Variants in ANKRD40 observed in about 807,000 individuals in gnomAD.
The protein encoded by ANKRD40 is ankyrin repeat domain-containing protein 40.
Under a neutral mutation model 35.5 loss-of-function variants are expected in ANKRD40, and 24 were observed. The observed-to-expected ratio is 0.68, with a 90% CI of 0.49 to 0.95. The LOEUF (loss-of-function observed/expected upper bound fraction) is 0.95, where lower values mean the gene tolerates loss of function less well. Among genes scored for constraint, ANKRD40 ranks in the 40% least tolerant of loss-of-function variants. The pLI is 0.00. For missense variants in ANKRD40, 361 were observed against 436.0 expected (o/e 0.83, Z 1.53); for synonymous variants, 147 against 173.5 (o/e 0.85, Z 1.20).
chr17:50,706,848 G>A (rs555075041), intron 1 of ANKRD40, among the ~76,000 whole-genome samples: 3 of 134,004 alleles, frequency 2.2e-5, no homozygotes, highest in South Asian at 4.9e-4. Flanking sequence ...AAGTTGCAGT[G>A]AGCCGAGACT....
chr17:50,699,923 C>T (rs774406645), intron 2 of ANKRD40, 30 bp from the exon 3 acceptor site: 393 of 1,451,746 alleles, frequency 2.7e-4, no homozygotes, highest in Non-Finnish European at 3.2e-4. Context: ...AACATTTACA[C>T]AGTCCTTTCA....
At position 50,694,969 on chromosome 17, in the gene ANKRD40, T is replaced by C. The variant is rs927945517; in HGVS notation, c.*1028A>G. Reference sequence around the variant, plus strand: ...AACAGATTCAGTCTCAAAAATTGCTTTTCATTTGTAGTGGAAAATGAAAGT... The same window carrying C: ...AACAGATTCAGTCTCAAAAATTGCTCTTCATTTGTAGTGGAAAATGAAAGT... On this transcript the variant is annotated 3_prime_UTR_variant, in exon 5 of 5. Transcript: ENST00000285243. The C allele has an allele frequency of 6.6e-6, 1 of 152,240 alleles. No individual in the cohort carries two copies. The highest frequency in any genetic ancestry group is 1.5e-5 in the Non-Finnish European group (1 of 68,042). The allele number at this position is 152,240 out of a possible 1,614,324, so 9.4% of individuals were successfully genotyped here.
chr17:50,696,089 T>C lies in ANKRD40; in HGVS notation c.1015A>G (p.Ile339Val), dbSNP rs1470504580. The change falls in exon 5 of 5, where the codon ATA becomes GTA. Residue 339 changes from isoleucine to valine, a missense_variant. Transcript: ENST00000285243. Reference sequence around the variant, plus strand: ...CTGAACAGAAAATTATTTTCACTTATCATCAGAACCAGTTCCAGCTCCTGG... The same window carrying C: ...CTGAACAGAAAATTATTTTCACTTACCATCAGAACCAGTTCCAGCTCCTGG... ...DFQELELVLM[I>V]SENNFLFRNA... 6.2e-7 allele frequency: 1 copy of C among 1,614,196 alleles called. No individual in the cohort carries two copies. Among genetic ancestry groups the C allele is most frequent in the East Asian group, 2.2e-5 (1 of 44,892 alleles).
chr17:50,705,085 C>A (rs1371319792), intron 1 of ANKRD40, among the ~76,000 whole-genome samples: 1 of 143,354 alleles, frequency 7.0e-6, no homozygotes, highest in Non-Finnish European at 1.5e-5. Context: ...GGCACCACTG[C>A]ACTCCAGCCT....
rs1968165439 is a variant in ANKRD40, at chr17:50,694,124, C to A, written c.*1873G>T. On this transcript the variant is annotated 3_prime_UTR_variant, in exon 5 of 5. Coordinates refer to ENST00000285243, the MANE Select transcript of ANKRD40 (RefSeq NM_052855.4). ...CAGCCTGGGCAACAAAGCAAGACTC[C>A]GTCTCAAAAAAAAAAAGAAAAGAAA... is the stretch of plus-strand genomic sequence containing the variant. The A allele has an allele frequency of 9.6e-3, 1 of 104 alleles. No individual in the cohort carries two copies. The highest frequency in any genetic ancestry group is 0.028 in the Non-Finnish European group (1 of 36). 0.0% of individuals were successfully genotyped at this position (104 alleles called of 1,614,324 possible). A position where few individuals can be genotyped will look rare whatever the true frequency, so the allele number is the denominator to read the frequency against.
At position 50,699,254 on chromosome 17, in the gene ANKRD40, T is replaced by C. The variant is rs1439460795; in HGVS notation, c.778+145A>G. ...GTAAAAGGGCAAAAGGTAAACAATT[T>C]GTGAATTTGAGTAAAGGGAGTTCCT... is the stretch of plus-strand genomic sequence containing the variant. On this transcript the variant is annotated intron_variant, in intron 3 of 4. Transcript: ENST00000285243. 4 of 1,114,474 alleles carry C rather than the reference T, an allele frequency of 3.6e-6. No individual in the cohort carries two copies. The African/African-American group carries it at 6.3e-5, about 18-fold the overall frequency. 69.0% of individuals were successfully genotyped at this position (1,114,474 alleles called of 1,614,324 possible).
At chr17:50,700,913 T>C in intron 1 of ANKRD40, 197 bp from the exon 2 acceptor site, 1 of 496,714 alleles carries the variant, frequency 2.0e-6, no homozygotes, top group Admixed American at 3.5e-5. Flanking sequence ...AAATTTCATT[T>C]CTGGCTCCTG....
At chr17:50,706,175 G>T (rs1008955706) in intron 1 of ANKRD40, among the ~76,000 whole-genome samples, 9 of 150,406 alleles carry the variant, frequency 6.0e-5, no homozygotes, top group African/African-American at 2.0e-4. Context: ...AGGCTGGAGT[G>T]CAGTGGTGCA....
intron 3 of ANKRD40, among the ~76,000 whole-genome samples, chr17:50,698,559 G>A (rs988084334): frequency 1.1e-4 from 17 of 152,008 alleles, no homozygotes; most frequent in Admixed American, 8.5e-4. Flanking sequence ...ATGATAAAGG[G>A]TAAAGATTCC....
At position 50,693,366 on chromosome 17, in the gene ANKRD40, G is replaced by C. The variant is rs1326516644; in HGVS notation, c.*2631C>G. 6.6e-6 allele frequency: 1 copy of C among 152,128 alleles called. No individual in the cohort carries two copies. The highest frequency in any genetic ancestry group is 1.9e-4 in the East Asian group (1 of 5,190). The allele number at this position is 152,128 out of a possible 1,614,324, so 9.4% of individuals were successfully genotyped here. ...TAACAAAGCTAAAAAAAAAATCCTT[G>C]TTATAAATTACACAAAGCATATAAA... On this transcript the variant is annotated 3_prime_UTR_variant, in exon 5 of 5. Transcript: ENST00000285243.
In ANKRD40 at chr17:50,707,176, A is replaced by G. The variant is rs1968350451; in HGVS notation, c.134+345T>C. Among the ~76,000 whole-genome samples, 1 of 152,140 alleles carries G rather than the reference A, an allele frequency of 6.6e-6. No homozygotes were observed. The highest frequency in any genetic ancestry group is 2.1e-4 in the South Asian group (1 of 4,832). On this transcript the variant is annotated intron_variant, in intron 1 of 4. Coordinates refer to ENST00000285243, the MANE Select transcript of ANKRD40 (RefSeq NM_052855.4). The surrounding 1 kb of genome is among the most constrained non-coding windows in gnomAD (Gnocchi z 4.8). ...GAAGCACCTACGGCAAATTAACTCA[A>G]CACTCGAATTGGGGTGAGCTCCAAC...
intron 1 of ANKRD40, among the ~76,000 whole-genome samples, chr17:50,705,501 A>AG (rs1401151841): frequency 1.3e-5 from 2 of 150,936 alleles, no homozygotes; most frequent in African/African-American, 4.9e-5. Context: ...TGTTTTCTTT[A>AG]GGGAAATTAG....
In ANKRD40 at chr17:50,699,745, C is replaced by A. The variant is rs1332922005; in HGVS notation, c.432G>T (p.Gln144His). 3 of 1,611,836 alleles carry A rather than the reference C, an allele frequency of 1.9e-6. No homozygotes were observed. Among genetic ancestry groups the A allele is most frequent in the African/African-American group, 2.7e-5 (2 of 74,888 alleles). The change falls in exon 3 of 5, where the codon CAG becomes CAT. Residue 144 changes from glutamine (Q) to histidine (H), a missense_variant. Gln to His is a conservative substitution (Grantham distance 24). Transcript: ENST00000285243. ...CAGGGGGTGTGGAGGGGCCCCCATT[C>A]TGCATCTGGGCTGAATCCTCTGCTG... Reference protein sequence around the residue: ...TPTAEDSAQMQNGGPSTPPAS... With the variant: ...TPTAEDSAQMHNGGPSTPPAS...
At position 50,707,404 on chromosome 17, in the gene ANKRD40, C is replaced by T. The variant is rs1238558562; in HGVS notation, c.134+117G>A. ...TCAAGAGAGCACAATCTCGGAGGCCCGAGGTGGCAGGCCTCGCCGTAGCCA... is the reference window on the plus strand; with the variant it reads ...TCAAGAGAGCACAATCTCGGAGGCCTGAGGTGGCAGGCCTCGCCGTAGCCA... On this transcript the variant is annotated intron_variant, in intron 1 of 4. Transcript: ENST00000285243. The surrounding 1 kb of genome is among the most constrained non-coding windows in gnomAD (Gnocchi z 4.8). 3.5e-6 allele frequency: 5 copies of T among 1,445,276 alleles called. No homozygotes were observed. Among genetic ancestry groups the T allele is most frequent in the African/African-American group, 1.5e-5 (1 of 68,502 alleles). 89.5% of individuals were successfully genotyped at this position (1,445,276 alleles called of 1,614,324 possible). A position where few individuals can be genotyped will look rare whatever the true frequency, so the allele number is the denominator to read the frequency against.
intron 3 of ANKRD40, among the ~76,000 whole-genome samples, chr17:50,698,469 A>G (rs1455527647): frequency 6.6e-6 from 1 of 152,200 alleles, no homozygotes; most frequent in African/African-American, 2.4e-5. Context: ...ATACCAACTA[A>G]TAAGTAGAGA....
chr17:50,700,745 A>T (rs1011624066), intron 1 of ANKRD40, 29 bp from the exon 2 acceptor site: 1 of 1,586,934 alleles, frequency 6.3e-7, no homozygotes, highest in African/African-American at 1.4e-5. Flanking sequence ...TGATTGAAAA[A>T]GAGGAGAAGT....
intron 1 of ANKRD40, among the ~76,000 whole-genome samples, chr17:50,702,846 A>C (rs561746162): frequency 2.0e-3 from 306 of 152,324 alleles, no homozygotes; most frequent in Non-Finnish European, 3.7e-3. Context: ...GCCATAACTC[A>C]GAGCCCCTGC....
At position 50,697,122 on chromosome 17, in the gene ANKRD40, C is replaced by T; in HGVS notation, c.779-1G>A. 3 of 1,602,834 alleles carry T rather than the reference C, an allele frequency of 1.9e-6. No individual in the cohort carries two copies. Among genetic ancestry groups the T allele is most frequent in the Non-Finnish European group, 2.6e-6 (3 of 1,176,386 alleles). ...TGAATTCTCACCTTGAGTACCAGCTCTAGAAAAAAAAGGAGAAATGTTAAT... is the reference window on the plus strand; with the variant it reads ...TGAATTCTCACCTTGAGTACCAGCTTTAGAAAAAAAAGGAGAAATGTTAAT... On this transcript the variant is annotated splice_acceptor_variant, in intron 3 of 4. Transcript: ENST00000285243. LOFTEE classifies it high-confidence loss of function.
At position 50,695,181 on chromosome 17, in the gene ANKRD40, G is replaced by A. The variant is rs1968183033; in HGVS notation, c.*816C>T. The A allele has an allele frequency of 6.9e-6, 1 of 144,602 alleles. No individual in the cohort carries two copies. The highest frequency in any genetic ancestry group is 2.5e-5 in the African/African-American group (1 of 39,452). The allele number at this position is 144,602 out of a possible 1,614,324, so 9.0% of individuals were successfully genotyped here. On this transcript the variant is annotated 3_prime_UTR_variant, in exon 5 of 5. Coordinates refer to ENST00000285243, the MANE Select transcript of ANKRD40 (RefSeq NM_052855.4). The stretch of plus-strand genomic sequence containing the variant: ...GGCCAGAAGTTTGAGACCAGCCTGG[G>A]CCACATAGTGAGACCCTGTCTCTAT...
Sources: gnomAD v4.1 joint callset for allele counts (sites outside exome capture counted in the v4.1 genomes callset) on GRCh38, gnomAD v4.1.1 for gene constraint, Gnocchi (gnomAD v3.1) non-coding constraint, MANE v1.5 for transcripts, NCBI Gene and HGNC (gene_info 2026-07-23, HGNC 2026-07-21) for gene names.